The following PPP1R37 variants were observed in gnomAD, a reference collection of about 807,000 sequenced individuals.
PPP1R37 encodes protein phosphatase 1 regulatory subunit 37.
PPP1R37 carries 21 observed loss-of-function variants against 61.0 expected under a neutral mutation model. The ratio of observed to expected loss-of-function variants is 0.34; its 90% CI spans 0.24 to 0.50. The LOEUF is 0.50. Ranked by LOEUF, PPP1R37 falls within the 20% of genes least tolerant of loss-of-function variation. PPP1R37 has a pLI of 0.98. For missense variants in PPP1R37, 910 were observed against 952.7 expected, an observed-to-expected ratio of 0.96 and a Z score of 0.59; for synonymous variants, 443 against 433.5, an observed-to-expected ratio of 1.02 and a Z score of -0.27.
intron 1 of PPP1R37, among the ~76,000 whole-genome samples, chr19:45,107,748 T>G (rs1354486973): frequency 6.6e-6 from 1 of 152,240 alleles, no homozygotes; most frequent in Non-Finnish European, 1.5e-5. Context: ...GTGCATTTCC[T>G]TCCCGTCTCT....
intron 1 of PPP1R37, among the ~76,000 whole-genome samples, chr19:45,138,202 C>T (rs1018084477): frequency 2.0e-5 from 3 of 152,034 alleles, no homozygotes; most frequent in East Asian, 1.9e-4. Flanking sequence ...CCTGGGCTCC[C>T]GGGCTAGTAG....
In PPP1R37 at chr19:45,140,525, G is replaced by A. The variant is rs1968597299; in HGVS notation, c.366G>A (p.Lys122=). The A allele has an allele frequency of 1.3e-6, 2 of 1,535,910 alleles. No individual in the cohort carries two copies. Among genetic ancestry groups the A allele is most frequent in the African/African-American group, 1.4e-5 (1 of 73,048 alleles). Residue 122 remains lysine (K), a synonymous_variant, in exon 4 of 13, where the codon AAG becomes AAA. Coordinates refer to ENST00000221462, the MANE Select transcript of PPP1R37 (RefSeq NM_019121.2). Reference sequence around the variant, plus strand: ...CCCCAGGTGAGAAGCTTGACTACAAGACCTGTGAGGCCCTGGAAGAGGTCT... The same window carrying A: ...CCCCAGGTGAGAAGCTTGACTACAAAACCTGTGAGGCCCTGGAAGAGGTCT... ...LDLKGEKLDY[K]TCEALEEVFK...
At chr19:45,125,812 T>G (rs1968397596) in intron 1 of PPP1R37, among the ~76,000 whole-genome samples, 1 of 152,188 alleles carries the variant, frequency 6.6e-6, no homozygotes, top group Non-Finnish European at 1.5e-5. Context: ...CCAAGGCTGG[T>G]CCACCCAGGG....
intron 1 of PPP1R37, among the ~76,000 whole-genome samples, chr19:45,124,244 T>C (rs1968374220): frequency 6.6e-6 from 1 of 151,806 alleles, no homozygotes; most frequent in South Asian, 2.1e-4. Flanking sequence ...AAGCTGAGAA[T>C]TGAAGAAGTA....
chr19:45,096,046 G>A (rs1177809254), intron 1 of PPP1R37, among the ~76,000 whole-genome samples: 3 of 152,142 alleles, frequency 2.0e-5, no homozygotes, highest in Admixed American at 6.6e-5. Flanking sequence ...CTCTTGCCAC[G>A]GAATTTAGGA....
At chr19:45,112,072 G>A (rs770187532) in intron 1 of PPP1R37, among the ~76,000 whole-genome samples, 19 of 151,810 alleles carry the variant, frequency 1.3e-4, no homozygotes, top group Non-Finnish European at 2.4e-4. Flanking sequence ...GAATTCAGGC[G>A]ATTCTCCTGC....
chr19:45,140,861 G>T (rs896108377), intron 4 of PPP1R37, among the ~76,000 whole-genome samples: 3 of 152,158 alleles, frequency 2.0e-5, no homozygotes, highest in Admixed American at 1.3e-4. Flanking sequence ...AGGGGCAGGC[G>T]TGTGGCCCCC....
chr19:45,125,566 G>A (rs1301404392), intron 1 of PPP1R37, among the ~76,000 whole-genome samples: 1 of 152,224 alleles, frequency 6.6e-6, no homozygotes, highest in African/African-American at 2.4e-5. Context: ...CTAGAAATGG[G>A]ATGCAGTCTT....
At chr19:45,114,641 A>C (rs771933435) in intron 1 of PPP1R37, among the ~76,000 whole-genome samples, 1 of 152,122 alleles carries the variant, frequency 6.6e-6, no homozygotes, top group Non-Finnish European at 1.5e-5. Context: ...TTGCTGTTAC[A>C]TGTGTTTAGA....
intron 1 of PPP1R37, among the ~76,000 whole-genome samples, chr19:45,115,762 G>T (rs993726984): frequency 6.6e-6 from 1 of 152,130 alleles, no homozygotes; most frequent in African/African-American, 2.4e-5. Flanking sequence ...ATCATCTGAG[G>T]TCCGGAGTTC....
chr19:45,110,353 T>C (rs1356235872), intron 1 of PPP1R37, among the ~76,000 whole-genome samples: 4 of 152,108 alleles, frequency 2.6e-5, no homozygotes, highest in Non-Finnish European at 4.4e-5. Flanking sequence ...TGGGCTCAAG[T>C]GATCCTCCTG....
chr19:45,139,062 C>T (rs920998586), intron 2 of PPP1R37, among the ~76,000 whole-genome samples: 6 of 151,750 alleles, frequency 4.0e-5, no homozygotes, highest in Non-Finnish European at 8.8e-5. Context: ...TACATGTGCA[C>T]GCCACCATGC....
At chr19:45,143,349 G>T in intron 7 of PPP1R37, 172 bp from the exon 8 acceptor site, 2 of 557,074 alleles carry the variant, frequency 3.6e-6, no homozygotes, top group East Asian at 3.1e-5. Context: ...AGGCCCAGGG[G>T]TCACAGATGT....
At chr19:45,117,929 T>G (rs1449080343) in intron 1 of PPP1R37, among the ~76,000 whole-genome samples, 1 of 152,224 alleles carries the variant, frequency 6.6e-6, no homozygotes, top group Non-Finnish European at 1.5e-5. Context: ...GCCTTACAGC[T>G]CCAGCCCCCG....
At chr19:45,128,596 G>T in intron 1 of PPP1R37, 2 of 1,263,206 alleles carry the variant, frequency 1.6e-6, no homozygotes, top group Non-Finnish European at 2.3e-6. Context: ...TTCGAGACAA[G>T]AGATGCAGGG....
At chr19:45,111,135 A>G (rs1253968375) in intron 1 of PPP1R37, among the ~76,000 whole-genome samples, 1 of 152,044 alleles carries the variant, frequency 6.6e-6, no homozygotes, top group Non-Finnish European at 1.5e-5. Flanking sequence ...TCTTGCCTGT[A>G]TGCTCATTTG....
At chr19:45,142,253 G>A (rs1205883703) in intron 6 of PPP1R37, 42 bp downstream of exon 6, 4 of 1,533,934 alleles carry the variant, frequency 2.6e-6, no homozygotes, top group Non-Finnish European at 3.5e-6. Flanking sequence ...TGTGCAGCCT[G>A]TTGGGGGGCA....
chr19:45,143,052 C>A, intron 7 of PPP1R37: 1 of 168,744 alleles, frequency 5.9e-6, no homozygotes, highest in Non-Finnish European at 1.3e-5. Context: ...GGTGGCAGGC[C>A]CAGACCCCAC....
chr19:45,143,056 A>T (rs1599712617), intron 7 of PPP1R37: 2 of 166,474 alleles, frequency 1.2e-5, no homozygotes, highest in South Asian at 3.1e-4. Flanking sequence ...GCAGGCCCAG[A>T]CCCCACTCTA....
Sources: gnomAD v4.1 joint callset for allele counts (sites outside exome capture counted in the v4.1 genomes callset) on GRCh38, gnomAD v4.1.1 for gene constraint, MANE v1.5 for transcripts, NCBI Gene and HGNC (gene_info 2026-07-23, HGNC 2026-07-21) for gene names.